PLD5: variants seen among roughly 807,000 people sequenced by gnomAD.
PLD5 encodes the protein phospholipase D family member 5.
Under a neutral mutation model 61.1 loss-of-function variants are expected in PLD5, and 36 were observed. The observed-to-expected ratio is 0.59, with a 90% confidence interval of 0.45 to 0.78. The LOEUF (loss-of-function observed/expected upper bound fraction) is 0.78, where lower values mean the gene tolerates loss of function less well. Ranked by LOEUF, PLD5 falls within the 30% of genes least tolerant of loss-of-function variation. The probability of loss-of-function intolerance (pLI) is 0.00; values close to 1 mark genes in which losing one functional copy is unlikely to be tolerated. For synonymous variants in PLD5, 243 were observed against 242.8 expected, an observed-to-expected ratio of 1.00 and a Z score of -0.01; for missense variants, 515 against 644.4, an observed-to-expected ratio of 0.80 and a Z score of 2.17.
chr1:242,265,753 G>C (rs1355191304), intron 3 of PLD5, among the ~76,000 whole-genome samples: 1 of 152,162 alleles, frequency 6.6e-6, no homozygotes, highest in Non-Finnish European at 1.5e-5. Context: ...ATCTACACAT[G>C]AAGAGGCAGC....
At position 242,088,885 on chromosome 1, in the gene PLD5, T is replaced by C. The variant is rs1010139047; in HGVS notation, c.*969A>G. On this transcript the variant is annotated 3_prime_UTR_variant, in exon 10 of 10. Transcript: ENST00000536534. ...CTAGAAACGTTTGCTGGCATACTCT[T>C]AACAGCATAATGATTCTAAAGAAAT... 6.4e-6 allele frequency: 1 copy of C among 155,578 alleles called. No homozygotes were observed. Among genetic ancestry groups the C allele is most frequent in the African/African-American group, 2.4e-5 (1 of 41,640 alleles). 9.6% of individuals were successfully genotyped at this position (155,578 alleles called of 1,614,324 possible). A position where few individuals can be genotyped will look rare whatever the true frequency, so the allele number is the denominator to read the frequency against.
At chr1:242,389,868 C>T (rs114019281) in intron 1 of PLD5, among the ~76,000 whole-genome samples, 1 of 151,924 alleles carries the variant, frequency 6.6e-6, no homozygotes, top group African/African-American at 2.4e-5. Context: ...GGCTACCATT[C>T]TTTTTTATGA....
intron 5 of PLD5, among the ~76,000 whole-genome samples, chr1:242,148,282 T>A (rs1191931308): frequency 1.0e-5 from 1 of 96,546 alleles, no homozygotes; most frequent in African/African-American, 3.4e-5. Flanking sequence ...GCTTTGCACC[T>A]TTGTTAAAAA....
chr1:242,440,410 C>T (rs983534021), intron 1 of PLD5, among the ~76,000 whole-genome samples: 4 of 152,170 alleles, frequency 2.6e-5, no homozygotes, highest in African/African-American at 9.7e-5. Context: ...GTGCAGGCTA[C>T]ACCCCACCTA....
intron 1 of PLD5, among the ~76,000 whole-genome samples, chr1:242,500,246 C>T (rs1296407363): frequency 6.6e-6 from 1 of 152,194 alleles, no homozygotes. Context: ...ACTCATGCAT[C>T]TTGGGACACT....
At chr1:242,132,192 C>CGGGT (rs1553305555) in intron 5 of PLD5, among the ~76,000 whole-genome samples, 2 of 21,038 alleles carry the variant, frequency 9.5e-5, no homozygotes, top group African/African-American at 2.0e-4. Flanking sequence ...GCAGTGATTG[C>CGGGT]GGGGGGGGGG....
At chr1:242,494,353 C>T (rs1276425584) in intron 1 of PLD5, among the ~76,000 whole-genome samples, 2 of 152,100 alleles carry the variant, frequency 1.3e-5, no homozygotes, top group East Asian at 1.9e-4. Context: ...AACTGCCTGC[C>T]ACATGCAGGT....
At chr1:242,164,111 T>G (rs1558293179) in intron 5 of PLD5, among the ~76,000 whole-genome samples, 1 of 151,626 alleles carries the variant, frequency 6.6e-6, no homozygotes, top group Non-Finnish European at 1.5e-5. Flanking sequence ...AAGAGGCATT[T>G]GGGTAAAGGA....
chr1:242,282,670 ATT>A (rs982687568), intron 3 of PLD5, among the ~76,000 whole-genome samples: 1 of 149,032 alleles, frequency 6.7e-6, no homozygotes, highest in East Asian at 2.0e-4. Context: ...AGAGTGTGAG[ATT>A]TTTTTTTTTA....
intron 8 of PLD5, among the ~76,000 whole-genome samples, chr1:242,105,142 T>C (rs921644014): frequency 2.0e-5 from 3 of 151,924 alleles, no homozygotes; most frequent in Non-Finnish European, 2.9e-5. Context: ...TTGGAAGGAA[T>C]ACCAAGTACC....
chr1:242,162,150 C>A (rs1665889704), intron 5 of PLD5, among the ~76,000 whole-genome samples: 1 of 152,106 alleles, frequency 6.6e-6, no homozygotes, highest in African/African-American at 2.4e-5. Flanking sequence ...TCCTTTAAAT[C>A]TTACACAAAA....
rs144301769 is a variant in PLD5, at chr1:242,406,901, G to A, written c.190-58659C>T. ...TTCAAATTGGAACAGGCATTTAACAGAGGTATGAATTGTTAGGTTTTTGGT... is the reference window on the plus strand; with the variant it reads ...TTCAAATTGGAACAGGCATTTAACAAAGGTATGAATTGTTAGGTTTTTGGT... On this transcript the variant is annotated intron_variant, in intron 1 of 9. Coordinates refer to ENST00000536534, the MANE Select transcript of PLD5 (RefSeq NM_001372062.1). Among the ~76,000 whole-genome samples the A allele has an allele frequency of 9.8e-3, 1,490 of 152,322 alleles. 15 individuals are homozygous for A. Among genetic ancestry groups the A allele is most frequent in the Non-Finnish European group, 0.015 (1,040 of 68,028 alleles).
At chr1:242,261,790 C>T (rs922537149) in intron 4 of PLD5, among the ~76,000 whole-genome samples, 11 of 152,122 alleles carry the variant, frequency 7.2e-5, no homozygotes, top group South Asian at 2.1e-4. Flanking sequence ...CAACATGATA[C>T]GTATCCACCG....
At chr1:242,211,058 G>C (rs1278719871) in intron 5 of PLD5, among the ~76,000 whole-genome samples, 1 of 152,214 alleles carries the variant, frequency 6.6e-6, no homozygotes, top group Non-Finnish European at 1.5e-5. Flanking sequence ...AGAAAGTGAT[G>C]ATAGAGAAGC....
chr1:242,445,355 T>C (rs113609591), intron 1 of PLD5, among the ~76,000 whole-genome samples: 4,198 of 152,230 alleles, frequency 0.028, 204 homozygotes, highest in African/African-American at 0.092. Flanking sequence ...GTTTGTTTGC[T>C]TTTTGAGACA....
At position 242,100,800 on chromosome 1, in the gene PLD5, A is replaced by AG. The variant is rs199763227; in HGVS notation, c.1240-19dup. Reference sequence around the variant, plus strand: ...AAAAATTTCTGTAAGAAAAAAAAAAAGGGGGCAGGTAAATAAGAGGAACGT... The same window carrying AG: ...AAAAATTTCTGTAAGAAAAAAAAAAAGGGGGGCAGGTAAATAAGAGGAACGT... On this transcript the variant is annotated intron_variant, in intron 8 of 9. Coordinates refer to ENST00000536534, the MANE Select transcript of PLD5 (RefSeq NM_001372062.1). 6.8e-4 allele frequency: 999 copies of AG among 1,471,782 alleles called. No homozygotes were observed. The highest frequency in any genetic ancestry group is 9.1e-4 in the South Asian group (78 of 85,918). 91.2% of individuals were successfully genotyped at this position (1,471,782 alleles called of 1,614,324 possible).
chr1:242,418,793 A>G (rs1664968532), intron 1 of PLD5, among the ~76,000 whole-genome samples: 1 of 152,194 alleles, frequency 6.6e-6, no homozygotes, highest in African/African-American at 2.4e-5. Flanking sequence ...CCTTCCAGCA[A>G]CACTTCTGCT....
intron 1 of PLD5, among the ~76,000 whole-genome samples, chr1:242,368,943 T>C (rs892703126): frequency 6.6e-6 from 1 of 152,202 alleles, no homozygotes; most frequent in South Asian, 2.1e-4. Context: ...AATTTCTTTC[T>C]ATCTCCTGTG....
intron 1 of PLD5, among the ~76,000 whole-genome samples, chr1:242,389,581 T>A (rs544172427): frequency 1.3e-5 from 2 of 151,656 alleles, no homozygotes; most frequent in Non-Finnish European, 2.9e-5. Flanking sequence ...GAAAATCTGT[T>A]TAAGGTTTTC....
Sources: allele counts gnomAD v4.1 joint callset (sites outside exome capture counted in the v4.1 genomes callset), GRCh38; gene constraint gnomAD v4.1.1; transcripts MANE v1.5; gene names NCBI Gene and HGNC (gene_info 2026-07-23, HGNC 2026-07-21).